SYT1: variants seen among roughly 807,000 people sequenced by gnomAD.
SYT1 encodes the protein synaptotagmin-1.
In SYT1, 8 loss-of-function variants were observed where a neutral mutation model predicts 44.8. The ratio of observed to expected loss-of-function variants is 0.18; its 90% confidence interval spans 0.10 to 0.32. The LOEUF (loss-of-function observed/expected upper bound fraction) is 0.32, where lower values mean the gene tolerates loss of function less well. Ranked by LOEUF, SYT1 falls within the 10% of genes least tolerant of loss-of-function variation. SYT1 has a pLI of 1.00. For synonymous variants in SYT1, 154 were observed against 188.8 expected, an observed-to-expected ratio of 0.82 and a Z score of 1.51; for missense variants, 286 against 509.3, an observed-to-expected ratio of 0.56 and a Z score of 4.22.
chr12:79,264,558 G>T (rs1878021062), intron 4 of SYT1, among the ~76,000 whole-genome samples: 2 of 152,170 alleles, frequency 1.3e-5, no homozygotes, highest in South Asian at 4.1e-4. Flanking sequence ...TATTGTTGTT[G>T]ATGCACTATA....
intron 8 of SYT1, among the ~76,000 whole-genome samples, chr12:79,334,238 A>G (rs1881985991): frequency 6.6e-6 from 1 of 151,830 alleles, no homozygotes; most frequent in African/African-American, 2.4e-5. Flanking sequence ...TCTCTGTCCT[A>G]TGCCTTTCCC....
At chr12:79,060,634 A>T (rs550391618) in intron 3 of SYT1, among the ~76,000 whole-genome samples, 3 of 152,188 alleles carry the variant, frequency 2.0e-5, no homozygotes, top group African/African-American at 7.2e-5. Context: ...TTATTGTAGC[A>T]TGTGTCAAAA....
chr12:79,037,103 C>T (rs576192557), intron 2 of SYT1, among the ~76,000 whole-genome samples: 4 of 151,796 alleles, frequency 2.6e-5, no homozygotes, highest in South Asian at 4.1e-4. Flanking sequence ...CCAAAGCCCC[C>T]CCAGGTACAA....
intron 1 of SYT1, among the ~76,000 whole-genome samples, chr12:78,873,704 G>C (rs1462625909): frequency 6.6e-6 from 1 of 151,522 alleles, no homozygotes; most frequent in Non-Finnish European, 1.5e-5. Flanking sequence ...ACACCTTCTT[G>C]CTGTTCCTTC....
chr12:79,409,950 C>T (rs1868351918), intron 9 of SYT1, among the ~76,000 whole-genome samples: 1 of 152,032 alleles, frequency 6.6e-6, no homozygotes, highest in Non-Finnish European at 1.5e-5. Context: ...CTGTTCACTT[C>T]ACTTCTAATA....
intron 4 of SYT1, among the ~76,000 whole-genome samples, chr12:79,262,110 A>G (rs1379361080): frequency 1.3e-5 from 2 of 152,200 alleles, no homozygotes; most frequent in Non-Finnish European, 2.9e-5. Context: ...AACAGTCATT[A>G]TGTTTCAGCC....
intron 3 of SYT1, among the ~76,000 whole-genome samples, chr12:79,088,738 C>CTGTGTGTGTGTGTG (rs571903732): frequency 2.2e-5 from 3 of 137,168 alleles, no homozygotes; most frequent in Non-Finnish European, 4.8e-5. Flanking sequence ...GGCTTTGGGC[C>CTGTGTGTGTGTGTG]TGTGTGTGTG....
At position 79,265,055 on chromosome 12, in the gene SYT1, G is replaced by GT. The variant is rs199892193; in HGVS notation, c.167-20725dup. Among the ~76,000 whole-genome samples, 670 of 151,824 alleles carry GT rather than the reference G, an allele frequency of 4.4e-3. 1 individual carries two copies. The highest frequency in any genetic ancestry group is 0.015 in the African/African-American group (636 of 41,412). On this transcript the variant is annotated intron_variant, in intron 4 of 10. Coordinates refer to ENST00000261205, the MANE Select transcript of SYT1 (RefSeq NM_005639.3). ...TATCTAGACAGCTTTTATAGTTTGGGTTTTTTTCAACCAAGTTTTCAACAT... is the reference window on the plus strand; with the variant it reads ...TATCTAGACAGCTTTTATAGTTTGGGTTTTTTTTCAACCAAGTTTTCAACAT...
chr12:79,410,834 A>T (rs1399647119), intron 9 of SYT1, among the ~76,000 whole-genome samples: 1 of 152,192 alleles, frequency 6.6e-6, no homozygotes, highest in East Asian at 1.9e-4. Context: ...ATCAAAAAAA[A>T]GTCACTAATG....
At chr12:79,023,812 C>T (rs1399882121) in intron 2 of SYT1, among the ~76,000 whole-genome samples, 1 of 151,622 alleles carries the variant, frequency 6.6e-6, no homozygotes, top group Admixed American at 6.6e-5. Flanking sequence ...TCTCTCCATG[C>T]ACATTCATCA....
chr12:79,265,927 A>T (rs900766383), intron 4 of SYT1, among the ~76,000 whole-genome samples: 3 of 152,164 alleles, frequency 2.0e-5, no homozygotes, highest in Non-Finnish European at 4.4e-5. Context: ...TTGACAGAAA[A>T]CAATTGAGTC....
At position 79,285,998 on chromosome 12, in the gene SYT1, T is replaced by C. The variant is rs1336927242; in HGVS notation, c.351+27T>C. 5.1e-6 allele frequency: 8 copies of C among 1,571,650 alleles called. No individual in the cohort carries two copies. In the South Asian group the frequency reaches 8.5e-5, roughly 17 times the overall value. ...TAATGTATTCTTTCTACATTTCTTC[T>C]TATTTTGTTTAAAAAAGATAAACAA... On this transcript the variant is annotated intron_variant, in intron 5 of 10. Transcript: ENST00000261205.
At chr12:78,924,402 C>T (rs1877184012) in intron 1 of SYT1, among the ~76,000 whole-genome samples, 1 of 151,784 alleles carries the variant, frequency 6.6e-6, no homozygotes, top group African/African-American at 2.4e-5. Context: ...TTTTTACACA[C>T]TTCTTTTTGC....
At chr12:79,392,777 CACA>C (rs1355291946) in intron 9 of SYT1, 1 of 144,650 alleles carries the variant, frequency 6.9e-6, no homozygotes, top group Non-Finnish European at 1.5e-5. Flanking sequence ...TTTTCTGAAG[CACA>C]ACTCTTTATT....
rs111420662 is a variant in SYT1, at chr12:79,360,063, G to A, written c.928+6444G>A. 7.2e-5 allele frequency among the ~76,000 whole-genome samples: 11 copies of A among 152,166 alleles called. 1 individual carries two copies. Among genetic ancestry groups the A allele is most frequent in the African/African-American group, 2.6e-4 (11 of 41,518 alleles). ...AACCTGGAAATTGCCTTTTAAACAG[G>A]TCCTCCCCGTCCATACACACATACC... On this transcript the variant is annotated intron_variant, in intron 9 of 10. Transcript: ENST00000261205.
At chr12:79,369,316 T>C (rs959227573) in intron 9 of SYT1, among the ~76,000 whole-genome samples, 2 of 152,052 alleles carry the variant, frequency 1.3e-5, no homozygotes, top group Non-Finnish European at 2.9e-5. Context: ...ACCCTGTCTC[T>C]ACAAAAATTA....
intron 4 of SYT1, among the ~76,000 whole-genome samples, chr12:79,242,885 T>A (rs943152409): frequency 6.6e-6 from 1 of 152,220 alleles, no homozygotes; most frequent in Non-Finnish European, 1.5e-5. Flanking sequence ...TATTAGTCAT[T>A]TTTATACTGC....
intron 3 of SYT1, among the ~76,000 whole-genome samples, chr12:79,156,046 CATTGTAT>C (rs1358872906): frequency 1.3e-5 from 2 of 152,200 alleles, no homozygotes; most frequent in Non-Finnish European, 2.9e-5. Flanking sequence ...AACATCTGGT[CATTGTAT>C]ATCTATCAAG....
At chr12:79,000,288 C>CTTTTTT (rs559894598) in intron 2 of SYT1, among the ~76,000 whole-genome samples, 45 of 112,910 alleles carry the variant, frequency 4.0e-4, no homozygotes, top group African/African-American at 6.0e-4. Flanking sequence ...TTAACTGCTT[C>CTTTTTT]TTTTTTTTTT....
Sources: gnomAD v4.1 joint callset for allele counts (sites outside exome capture counted in the v4.1 genomes callset) on GRCh38, gnomAD v4.1.1 for gene constraint, MANE v1.5 for transcripts, NCBI Gene and HGNC (gene_info 2026-07-23, HGNC 2026-07-21) for gene names.